Variants in MAK observed in about 807,000 individuals in gnomAD.
The protein encoded by MAK is serine/threonine-protein kinase MAK.
Under a neutral mutation model 82.6 loss-of-function variants are expected in MAK, and 65 were observed. That is an observed-to-expected ratio of 0.79 (90% confidence interval 0.64 to 0.97). The LOEUF is 0.97. MAK is among the 50% of genes least tolerant of loss of function. The pLI is 0.00. For missense variants in MAK, 703 were observed against 780.2 expected, an observed-to-expected ratio of 0.90 and a Z score of 1.18; for synonymous variants, 250 against 274.2, an observed-to-expected ratio of 0.91 and a Z score of 0.87.
At chr6:10,783,791 C>G (rs191200113) in intron 11 of MAK, among the ~76,000 whole-genome samples, 3 of 152,160 alleles carry the variant, frequency 2.0e-5, no homozygotes. Context: ...GAGGCCAAGG[C>G]GGGCGGATCA....
intron 3 of MAK, 118 bp from the exon 4 acceptor site, chr6:10,818,089 C>A: frequency 1.8e-6 from 1 of 543,598 alleles, no homozygotes; most frequent in African/African-American, 1.9e-5. Flanking sequence ...CTCCTGGGTT[C>A]ATTAATTAAT....
At position 10,764,563 on chromosome 6, in the gene MAK, T is replaced by C. The variant is rs1581624880; in HGVS notation, c.1836A>G (p.Gly612=). The change falls in exon 15 of 15, where the codon GGA becomes GGG. Residue 612 remains glycine (G), a synonymous_variant. Transcript: ENST00000354489. ...TTTTTGCTGTAGGATTATAAGTACGTCCTGAAAACTGCCCCCGACCAGTTT... is the reference window on the plus strand; with the variant it reads ...TTTTTGCTGTAGGATTATAAGTACGCCCTGAAAACTGCCCCCGACCAGTTT... The part of the protein sequence containing the change: ...NTKTGRGQFS[G]RTYNPTAKNL... The C allele has an allele frequency of 6.2e-7, 1 of 1,614,018 alleles. No individual in the cohort carries two copies. Among genetic ancestry groups the C allele is most frequent in the Non-Finnish European group, 8.5e-7 (1 of 1,179,954 alleles).
intron 14 of MAK, among the ~76,000 whole-genome samples, chr6:10,769,118 G>T (rs1772746549): frequency 6.6e-6 from 1 of 152,096 alleles, no homozygotes; most frequent in Non-Finnish European, 1.5e-5. Context: ...GAAGGCGGAG[G>T]CAGGAGGATC....
intron 5 of MAK, among the ~76,000 whole-genome samples, chr6:10,813,086 T>TTTTATATATA (rs1347378325): frequency 1.1e-4 from 4 of 34,904 alleles, no homozygotes; most frequent in African/African-American, 4.1e-4. Context: ...TTATGTATTT[T>TTTTATATATA]TATATATATA....
intron 6 of MAK, 37 bp from the exon 7 acceptor site, chr6:10,803,928 G>A (rs1776211784): frequency 2.5e-6 from 4 of 1,589,536 alleles, no homozygotes; most frequent in Non-Finnish European, 2.6e-6. Flanking sequence ...AATTTTGATT[G>A]CAATTTCAAA....
chr6:10,830,228 C>T (rs1236795563), intron 2 of MAK, among the ~76,000 whole-genome samples: 2 of 151,254 alleles, frequency 1.3e-5, no homozygotes, highest in African/African-American at 4.9e-5. Context: ...TGCGGTGGCG[C>T]GATCTCAGCT....
intron 10 of MAK, among the ~76,000 whole-genome samples, chr6:10,790,758 C>G (rs899544823): frequency 2.6e-5 from 4 of 152,226 alleles, no homozygotes; most frequent in African/African-American, 9.7e-5. Context: ...TTTTGGACAT[C>G]TGTCCTCTCT....
At chr6:10,786,488 C>G (rs548418741) in intron 10 of MAK, among the ~76,000 whole-genome samples, 2 of 135,246 alleles carry the variant, frequency 1.5e-5, no homozygotes, top group East Asian at 4.5e-4. Flanking sequence ...TCCACTAATG[C>G]ACCAGTTCAC....
At chr6:10,836,968 A>T (rs1779185129) in intron 1 of MAK, among the ~76,000 whole-genome samples, 1 of 152,214 alleles carries the variant, frequency 6.6e-6, no homozygotes, top group East Asian at 1.9e-4. Flanking sequence ...CGTTTCTCTA[A>T]GTGCACAATT....
Position 10,801,899 on chromosome 6 carries a change from G to A in MAK, c.824C>T (p.Ala275Val), listed in dbSNP as rs1359585876. 1 of 1,614,070 alleles carries A rather than the reference G, an allele frequency of 6.2e-7. No individual in the cohort carries two copies. Among genetic ancestry groups the A allele is most frequent in the African/African-American group, 1.3e-5 (1 of 75,032 alleles). ...LNWDPKKRPT[A>V]SQALKHPYFQ... Reference sequence around the variant, plus strand: ...CAGGAAGACTCCTCTTACCTGGCTTGCTGTCGGTCGTTTCTTTGGATCCCA... The same window carrying A: ...CAGGAAGACTCCTCTTACCTGGCTTACTGTCGGTCGTTTCTTTGGATCCCA... Residue 275 changes from alanine (A) to valine (V), a missense_variant, in exon 8 of 15, where the codon GCA (alanine) becomes GTA (valine). Ala to Val is a moderately conservative substitution (Grantham distance 64). Transcript: ENST00000354489.
At chr6:10,823,964 G>A (rs1248028731) in intron 2 of MAK, among the ~76,000 whole-genome samples, 1 of 150,348 alleles carries the variant, frequency 6.7e-6, no homozygotes, top group Non-Finnish European at 1.5e-5. Context: ...AGATTGATAG[G>A]ATATTATGGG....
chr6:10,801,129 C>CT (rs772001927), intron 8 of MAK, among the ~76,000 whole-genome samples: 172 of 152,160 alleles, frequency 1.1e-3, no homozygotes, highest in Admixed American at 3.4e-3. Flanking sequence ...TCACCGCTCT[C>CT]TAATTCCTTA....
Position 10,792,414 on chromosome 6 carries a change from T to A in MAK, c.1144-567A>T, listed in dbSNP as rs571522204. Among the ~76,000 whole-genome samples, 7 of 152,348 alleles carry A rather than the reference T, an allele frequency of 4.6e-5. No homozygotes were observed. The East Asian group carries it at 1.3e-3, about 29-fold the overall frequency. On this transcript the variant is annotated intron_variant, in intron 9 of 14. Transcript: ENST00000354489. Reference sequence around the variant, plus strand: ...GAGCTCCAGCTACCCACCACCCGATTTCTTGTTATCTGAGAACAACAATCC... The same window carrying A: ...GAGCTCCAGCTACCCACCACCCGATATCTTGTTATCTGAGAACAACAATCC...
intron 14 of MAK, among the ~76,000 whole-genome samples, chr6:10,769,117 G>C (rs1369474300): frequency 6.6e-6 from 1 of 152,130 alleles, no homozygotes; most frequent in Non-Finnish European, 1.5e-5. Flanking sequence ...AGAAGGCGGA[G>C]GCAGGAGGAT....
intron 10 of MAK, among the ~76,000 whole-genome samples, chr6:10,791,285 GAGACAGAGTCTCACT>G (rs544927553): frequency 1.4e-3 from 209 of 150,886 alleles, no homozygotes; most frequent in Admixed American, 2.3e-3. Context: ...TCTTTTTTTT[GAGACAGAGTCTCACT>G]TTGTTACCCA....
rs6909526 is a variant in MAK at position 10,783,845 on chromosome 6, A to G, written c.1465+579T>C. Among the ~76,000 whole-genome samples the G allele has an allele frequency of 3.6e-3, 552 of 152,098 alleles. 2 individuals carry two copies. Among genetic ancestry groups the G allele is most frequent in the Admixed American group, 8.9e-3 (136 of 15,276 alleles). On this transcript the variant is annotated intron_variant, in intron 11 of 14. Coordinates refer to ENST00000354489, the MANE Select transcript of MAK (RefSeq NM_001242957.3). ...ACCATCCCGGCTAACACGGTGAAAC[A>G]CCATCTCTACTAAAAATGCAAAAAT...
intron 11 of MAK, among the ~76,000 whole-genome samples, chr6:10,782,767 G>A (rs775735029): frequency 3.3e-5 from 5 of 151,872 alleles, no homozygotes; most frequent in Non-Finnish European, 5.9e-5. Flanking sequence ...TAGTAGAGAC[G>A]GGGTTTCACC....
At chr6:10,826,209 C>G (rs916209292) in intron 2 of MAK, among the ~76,000 whole-genome samples, 26 of 152,222 alleles carry the variant, frequency 1.7e-4, no homozygotes, top group African/African-American at 5.8e-4. Flanking sequence ...GGGCTTCATA[C>G]GTACTATTTC....
rs7452383 is a variant in MAK, at chr6:10,815,936, A to G, written c.278+1914T>C. Among the ~76,000 whole-genome samples the G allele has an allele frequency of 1.0e-3, 79 of 76,064 alleles. 6 individuals are homozygous for G. The highest frequency in any genetic ancestry group is 3.4e-3 in the African/African-American group (77 of 22,672). The allele number at this position is 76,064 out of a possible 152,430, so 49.9% of individuals were successfully genotyped here. On this transcript the variant is annotated intron_variant, in intron 4 of 14. Coordinates refer to ENST00000354489, the MANE Select transcript of MAK (RefSeq NM_001242957.3). ...AGTATATATATATATATATATATAT[A>G]TATATATATATGTATGTTTTCTTTT...
Sources: gnomAD v4.1 joint callset for allele counts (sites outside exome capture counted in the v4.1 genomes callset) on GRCh38, gnomAD v4.1.1 for gene constraint, MANE v1.5 for transcripts, NCBI Gene and HGNC (gene_info 2026-07-23, HGNC 2026-07-21) for gene names.